The following TENM3 variants were observed in gnomAD, a reference collection of about 807,000 sequenced individuals.
TENM3 encodes the protein teneurin transmembrane protein 3.
A neutral mutation model predicts 255.1 loss-of-function variants in TENM3; 63 were observed. That is an observed-to-expected ratio of 0.25 (90% CI 0.20 to 0.30). The LOEUF is 0.30. Ranked by LOEUF, TENM3 falls within the 10% of genes least tolerant of loss-of-function variation. TENM3 has a pLI of 1.00. For synonymous variants in TENM3, 1,306 were observed against 1,322.3 expected (o/e 0.99, Z 0.27); for missense variants, 2,929 against 3,461.1 (o/e 0.85, Z 3.86).
At chr4:182,006,542 A>C in the TENM3 span, among the ~76,000 whole-genome samples, 1 of 151,954 alleles carries the variant, frequency 6.6e-6, no homozygotes, top group African/African-American at 2.4e-5. Flanking sequence ...CTCTGATGGT[A>C]GTTTGTATTT....
At chr4:181,523,116 C>A in the TENM3 span, 1 of 448,594 alleles carries the variant, frequency 2.2e-6, no homozygotes, top group South Asian at 1.9e-5. Flanking sequence ...GTTAGTTTAA[C>A]ATCATGTATT....
At chr4:182,798,935 T>G (rs945901960) in intron 27 of TENM3, among the ~76,000 whole-genome samples, 1 of 152,204 alleles carries the variant, frequency 6.6e-6, no homozygotes. Context: ...GCCCCCAATT[T>G]AAAACATTTG....
At chr4:182,262,669 C>T (rs769061656) in intron 1 of TENM3, among the ~76,000 whole-genome samples, 6 of 151,618 alleles carry the variant, frequency 4.0e-5, no homozygotes, top group South Asian at 2.1e-4. Context: ...CAGCAGCCCA[C>T]GGGGCTGCTC....
At chr4:182,672,198 C>G (rs1205117198) in intron 6 of TENM3, among the ~76,000 whole-genome samples, 2 of 152,168 alleles carry the variant, frequency 1.3e-5, no homozygotes, top group Non-Finnish European at 2.9e-5. Flanking sequence ...AGTCTTGGAT[C>G]TGTTTTCTAG....
chr4:181,961,393 A>C, the TENM3 span, among the ~76,000 whole-genome samples: 1 of 152,160 alleles, frequency 6.6e-6, no homozygotes, highest in African/African-American at 2.4e-5. Context: ...GCTACCAAAC[A>C]TGATAAAAAA....
the TENM3 span, among the ~76,000 whole-genome samples, chr4:182,090,400 C>T: frequency 1.3e-5 from 2 of 152,126 alleles, no homozygotes; most frequent in African/African-American, 4.8e-5. Flanking sequence ...GAACAAAATG[C>T]ATTTTTTAAA....
At chr4:182,590,489 T>G (rs1746493828) in intron 3 of TENM3, among the ~76,000 whole-genome samples, 1 of 142,066 alleles carries the variant, frequency 7.0e-6, no homozygotes, top group African/African-American at 2.6e-5. Flanking sequence ...AATACAAAAA[T>G]TATCCAGGTT....
chr4:182,256,940 C>T (rs1758443422), intron 1 of TENM3, among the ~76,000 whole-genome samples: 1 of 151,528 alleles, frequency 6.6e-6, no homozygotes, highest in South Asian at 2.1e-4. Flanking sequence ...CCCGGAGTGC[C>T]ATTATTTTCT....
At chr4:182,107,064 ACTTTC>A in the TENM3 span, among the ~76,000 whole-genome samples, 2 of 151,660 alleles carry the variant, frequency 1.3e-5, no homozygotes, top group East Asian at 1.9e-4. Flanking sequence ...ACTGTATGGA[ACTTTC>A]CTTATTTAAC....
Position 182,323,934 on chromosome 4 carries a change from G to C in TENM3, c.-75-12G>C. The C allele has an allele frequency of 8.6e-7, 1 of 1,158,988 alleles. No homozygotes were observed. The highest frequency in any genetic ancestry group is 2.0e-5 in the Admixed American group (1 of 49,450). The allele number at this position is 1,158,988 out of a possible 1,614,324, so 71.8% of individuals were successfully genotyped here. ...GTCATGCTGACCTCATGCAAACCTTGTATCTTCACAGAGAGGCCAATGAGA... is the reference window on the plus strand; with the variant it reads ...GTCATGCTGACCTCATGCAAACCTTCTATCTTCACAGAGAGGCCAATGAGA... On this transcript the variant is annotated splice_polypyrimidine_tract_variant and intron_variant, in intron 1 of 27. Coordinates refer to ENST00000511685, the MANE Select transcript of TENM3 (RefSeq NM_001080477.4).
rs763078229 is a variant in TENM3, at chr4:182,792,868, A to G, written c.6196A>G (p.Ile2066Val). 1.2e-6 allele frequency: 2 copies of G among 1,613,926 alleles called. No homozygotes were observed. Among genetic ancestry groups the G allele is most frequent in the South Asian group, 2.2e-5 (2 of 91,082 alleles). The part of the protein sequence containing the change: ...FGKFGVIYYD[I>V]NQIISTAVMT... ...AAAGTTTGGAGTTATATATTATGAT[A>G]TTAACCAGATCATTTCTACAGCTGT... Residue 2066 changes from isoleucine (I) to valine (V), a missense_variant, in exon 26 of 28, where the codon ATT (isoleucine) becomes GTT (valine). This residue lies in a region of TENM3 where 256 missense variants were observed against 389.3 expected (regional missense o/e 0.66). Transcript: ENST00000511685. The surrounding 1 kb of genome is among the most constrained non-coding windows in gnomAD (Gnocchi z 6.3).
At chr4:181,742,320 G>T in the TENM3 span, among the ~76,000 whole-genome samples, 1 of 152,064 alleles carries the variant, frequency 6.6e-6, no homozygotes, top group African/African-American at 2.4e-5. Context: ...ATTCTCTCTC[G>T]TCTAAAATAA....
the TENM3 span, among the ~76,000 whole-genome samples, chr4:181,567,003 A>G: frequency 2.0e-5 from 3 of 152,162 alleles, no homozygotes; most frequent in Admixed American, 2.0e-4. Flanking sequence ...CCCAGAGCTT[A>G]CCTGGGCATG....
the TENM3 span, among the ~76,000 whole-genome samples, chr4:181,796,560 A>G: frequency 8.5e-5 from 13 of 152,286 alleles, no homozygotes; most frequent in Admixed American, 4.6e-4. Context: ...AGGCAGGGAC[A>G]TGAGCATGTG....
At chr4:181,771,683 C>T in the TENM3 span, among the ~76,000 whole-genome samples, 1 of 152,192 alleles carries the variant, frequency 6.6e-6, no homozygotes, top group African/African-American at 2.4e-5. Flanking sequence ...TCAGTGTACA[C>T]ACAAATCAAC....
chr4:182,769,145 CAT>C (rs1763963208), intron 22 of TENM3, among the ~76,000 whole-genome samples: 2 of 152,172 alleles, frequency 1.3e-5, no homozygotes. Context: ...CGCCCAGAGG[CAT>C]ATCTAGTTGT....
the TENM3 span, among the ~76,000 whole-genome samples, chr4:181,568,122 C>T: frequency 6.6e-6 from 1 of 151,336 alleles, no homozygotes; most frequent in East Asian, 1.9e-4. Context: ...CTGTTTTCTC[C>T]ATAGGAAGGG....
chr4:181,627,670 CT>C, the TENM3 span, among the ~76,000 whole-genome samples: 1 of 152,102 alleles, frequency 6.6e-6, no homozygotes, highest in African/African-American at 2.4e-5. Flanking sequence ...TGAAGTTATC[CT>C]TTTTTATGGC....
chr4:181,547,498 C>A, the TENM3 span, among the ~76,000 whole-genome samples: 1 of 151,804 alleles, frequency 6.6e-6, no homozygotes, highest in Admixed American at 6.6e-5. Context: ...AATATAAAAT[C>A]AAAAATTATT....
Sources: allele counts gnomAD v4.1 joint callset (sites outside exome capture counted in the v4.1 genomes callset), GRCh38; gene constraint gnomAD v4.1.1; regional missense constraint gnomAD v4.1.1; non-coding constraint Gnocchi (gnomAD v3.1); transcripts MANE v1.5; gene names NCBI Gene and HGNC (gene_info 2026-07-23, HGNC 2026-07-21).